Variants in INTS9 observed in about 807,000 individuals in gnomAD.
The protein encoded by INTS9 is integrator complex subunit 9, also known as protein related to CPSF subunits of 74 kDa.
A neutral mutation model predicts 79.7 loss-of-function variants in INTS9; 55 were observed. That is an observed-to-expected ratio of 0.69 (90% confidence interval 0.56 to 0.86). The LOEUF (loss-of-function observed/expected upper bound fraction) is 0.86. Ranked by LOEUF, INTS9 falls within the 40% of genes least tolerant of loss-of-function variation. The probability of loss-of-function intolerance (pLI) is 0.00; values close to 1 mark genes in which losing one functional copy is unlikely to be tolerated. For synonymous variants in INTS9, 319 were observed against 325.2 expected (o/e 0.98, Z 0.20); for missense variants, 721 against 831.5 (o/e 0.87, Z 1.64).
chr8:28,823,608 C>T (rs1037700096), intron 6 of INTS9, among the ~76,000 whole-genome samples: 6 of 152,118 alleles, frequency 3.9e-5, no homozygotes, highest in African/African-American at 1.4e-4. Context: ...TGTTTTATGT[C>T]AGTTTAATTC....
chr8:28,809,664 T>C (rs143202190), intron 8 of INTS9, among the ~76,000 whole-genome samples: 13 of 151,952 alleles, frequency 8.6e-5, no homozygotes, highest in African/African-American at 2.9e-4. Context: ...ATCGCGAGAG[T>C]TGGCAACCAA....
intron 10 of INTS9, among the ~76,000 whole-genome samples, chr8:28,789,981 T>C (rs899808570): frequency 6.6e-6 from 1 of 152,122 alleles, no homozygotes; most frequent in African/African-American, 2.4e-5. Context: ...CTCCATCCCC[T>C]GCAAAAACAA....
At chr8:28,782,884 A>C (rs1803369179) in intron 11 of INTS9, among the ~76,000 whole-genome samples, 1 of 152,168 alleles carries the variant, frequency 6.6e-6, no homozygotes, top group Non-Finnish European at 1.5e-5. Flanking sequence ...ACATACACAC[A>C]CAAAAAAACC....
chr8:28,865,947 T>G (rs893474911), intron 1 of INTS9, among the ~76,000 whole-genome samples: 1 of 150,606 alleles, frequency 6.6e-6, no homozygotes, highest in Non-Finnish European at 1.5e-5. Flanking sequence ...AAATTATCAT[T>G]TTTTTTTTTG....
At chr8:28,848,023 A>G (rs994341888) in intron 3 of INTS9, among the ~76,000 whole-genome samples, 5 of 152,260 alleles carry the variant, frequency 3.3e-5, no homozygotes, top group Non-Finnish European at 7.3e-5. Context: ...ACAGTGAAAC[A>G]GCAAAGTCTG....
chr8:28,858,790 C>T (rs538439091), intron 2 of INTS9, among the ~76,000 whole-genome samples: 2 of 152,196 alleles, frequency 1.3e-5, no homozygotes, highest in African/African-American at 2.4e-5. Flanking sequence ...TTTTCCATAT[C>T]CTATCTTGTA....
In INTS9 at chr8:28,820,375, T is replaced by G. The variant is rs149896791; in HGVS notation, c.489-6763A>C. Among the ~76,000 whole-genome samples the G allele has an allele frequency of 7.2e-5, 11 of 152,326 alleles. No homozygotes were observed. In the East Asian group the frequency reaches 2.1e-3, roughly 29 times the overall value. The stretch of plus-strand genomic sequence containing the variant: ...GGTGACAAAATCTCTCAGCATTTGC[T>G]TGTCTGTACACTTATGAAGCTTAGT... On this transcript the variant is annotated intron_variant, in intron 6 of 16. Transcript: ENST00000521022.
intron 4 of INTS9, among the ~76,000 whole-genome samples, chr8:28,841,985 G>C (rs1169829547): frequency 2.0e-5 from 3 of 152,112 alleles, no homozygotes; most frequent in African/African-American, 7.2e-5. Context: ...GCTACTCGGA[G>C]GCTGAGACAG....
intron 5 of INTS9, 28 bp from the exon 6 acceptor site, chr8:28,835,406 C>T (rs1295493150): frequency 1.6e-5 from 25 of 1,571,292 alleles, no homozygotes; most frequent in Non-Finnish European, 1.9e-5. Context: ...AAGTGAGGAA[C>T]ACCCATTAAA....
chr8:28,851,179 G>A (rs983585408), intron 2 of INTS9, among the ~76,000 whole-genome samples: 1 of 152,048 alleles, frequency 6.6e-6, no homozygotes, highest in African/African-American at 2.4e-5. Context: ...AAAAGTTAAG[G>A]GCAAAGTAAG....
Position 28,767,728 on chromosome 8 carries a change from T to C in INTS9, c.*418A>G. On this transcript the variant is annotated 3_prime_UTR_variant, in exon 17 of 17. Transcript: ENST00000521022. ...GAAAATGCAGACAGATGGGTTCACTTTACCATATTTTGGGATCATCATCTT... is the reference window on the plus strand; with the variant it reads ...GAAAATGCAGACAGATGGGTTCACTCTACCATATTTTGGGATCATCATCTT... 5.5e-6 allele frequency: 1 copy of C among 181,216 alleles called. No homozygotes were observed. The highest frequency in any genetic ancestry group is 1.2e-5 in the Non-Finnish European group (1 of 85,932). The allele number at this position is 181,216 out of a possible 1,614,324, so 11.2% of individuals were successfully genotyped here.
intron 7 of INTS9, among the ~76,000 whole-genome samples, chr8:28,813,053 C>T (rs1267138724): frequency 6.6e-6 from 1 of 152,174 alleles, no homozygotes; most frequent in African/African-American, 2.4e-5. Flanking sequence ...AAGACTCACA[C>T]ACTTTGGCTT....
intron 10 of INTS9, among the ~76,000 whole-genome samples, chr8:28,790,981 A>ATTT (rs1803889086): frequency 6.6e-6 from 1 of 152,172 alleles, no homozygotes; most frequent in South Asian, 2.1e-4. Context: ...TGTAGAACCT[A>ATTT]TTTTGTTTGG....
At chr8:28,881,272 C>T (rs1809770057) in intron 1 of INTS9, among the ~76,000 whole-genome samples, 4 of 148,578 alleles carry the variant, frequency 2.7e-5, no homozygotes, top group East Asian at 2.1e-4. Context: ...GCCCCCCGCC[C>T]GGCCAGCCGC....
intron 6 of INTS9, 77 bp from the exon 7 acceptor site, chr8:28,813,689 C>T: frequency 6.7e-7 from 1 of 1,494,254 alleles, no homozygotes; most frequent in East Asian, 2.3e-5. Flanking sequence ...AGTAATTTGT[C>T]CATTTGATCC....
intron 12 of INTS9, among the ~76,000 whole-genome samples, chr8:28,778,994 C>T (rs1489985038): frequency 2.6e-5 from 4 of 152,190 alleles, no homozygotes; most frequent in African/African-American, 9.7e-5. Flanking sequence ...TAAATGCAAA[C>T]CCATTACCCA....
chr8:28,870,145 T>C lies in INTS9; in HGVS notation c.10-10582A>G, dbSNP rs145900117. On this transcript the variant is annotated intron_variant, in intron 1 of 16. Coordinates refer to ENST00000521022, the MANE Select transcript of INTS9 (RefSeq NM_018250.4). ...TGATGAAAAAAAGTTCATGGAACTA[T>C]ATATGTGACTGTTTGTTACATATAT... Among the ~76,000 whole-genome samples the C allele has an allele frequency of 2.2e-3, 329 of 152,258 alleles. 1 individual carries two copies. The highest frequency in any genetic ancestry group is 7.7e-3 in the African/African-American group (318 of 41,546).
In INTS9 at chr8:28,859,686, T is replaced by C. The variant is rs920399663; in HGVS notation, c.10-123A>G. ...CCAGCGTGTTAAGTTCAGCTAACTT[T>C]CTATGTGGTTTCCGCCCTTTTACTG... On this transcript the variant is annotated intron_variant, in intron 1 of 16. Coordinates refer to ENST00000521022, the MANE Select transcript of INTS9 (RefSeq NM_018250.4). The C allele has an allele frequency of 4.6e-6, 5 of 1,094,588 alleles. No homozygotes were observed. In the African/African-American group the frequency reaches 7.8e-5, roughly 17 times the overall value. The allele number at this position is 1,094,588 out of a possible 1,614,324, so 67.8% of individuals were successfully genotyped here.
chr8:28,881,817 T>C (rs1427753725), intron 1 of INTS9, among the ~76,000 whole-genome samples: 5 of 125,296 alleles, frequency 4.0e-5, no homozygotes, highest in Admixed American at 7.6e-5. Flanking sequence ...AGCCGCCCCG[T>C]CCGGGAGGGT....
Sources: allele counts gnomAD v4.1 joint callset (sites outside exome capture counted in the v4.1 genomes callset), GRCh38; gene constraint gnomAD v4.1.1; transcripts MANE v1.5; gene names NCBI Gene and HGNC (gene_info 2026-07-23, HGNC 2026-07-21).